Variants in RGS6 observed in about 807,000 individuals in gnomAD.
RGS6 encodes the protein regulator of G protein signaling 6.
Under a neutral mutation model 78.5 loss-of-function variants are expected in RGS6, and 30 were observed. The ratio of observed to expected loss-of-function variants is 0.38; its 90% CI spans 0.29 to 0.52. RGS6 has a LOEUF of 0.52. Ranked by LOEUF, RGS6 falls within the 20% of genes least tolerant of loss-of-function variation. RGS6 has a pLI of 0.85. For missense variants in RGS6, 495 were observed against 609.7 expected (o/e 0.81, Z 1.98); for synonymous variants, 206 against 206.0 (o/e 1.00, Z 0.00).
At chr14:72,116,082 G>A (rs1317478474) in intron 2 of RGS6, among the ~76,000 whole-genome samples, 2 of 152,146 alleles carry the variant, frequency 1.3e-5, no homozygotes, top group Non-Finnish European at 2.9e-5. Context: ...ATAGTGTATG[G>A]CAAGCTGGAC....
At chr14:72,355,400 G>A (rs575240226) in intron 3 of RGS6, among the ~76,000 whole-genome samples, 120 of 152,118 alleles carry the variant, frequency 7.9e-4, no homozygotes, top group African/African-American at 2.8e-3. Context: ...TCACCATGTT[G>A]CCCAGGCTGG....
downstream of RGS6, among the ~76,000 whole-genome samples, chr14:72,571,186 C>T (rs928968388): frequency 1.1e-4 from 16 of 152,156 alleles, no homozygotes; most frequent in Admixed American, 2.0e-4. Flanking sequence ...TTCTACAGAA[C>T]GGGAAACAGA....
In RGS6 at chr14:72,417,829, C is replaced by A. The variant is rs568154024; in HGVS notation, c.185-36699C>A. Among the ~76,000 whole-genome samples, 50 of 152,348 alleles carry A rather than the reference C, an allele frequency of 3.3e-4. No homozygotes were observed. The East Asian group carries it at 8.1e-3, about 25-fold the overall frequency. On this transcript the variant is annotated intron_variant, in intron 3 of 17. Transcript: ENST00000553525. ...GTGCTGTTAATTCTTCTTTGCCCCA[C>A]TGGTCCCCAGGTTCCATATCTGTAA...
At chr14:72,107,973 G>A (rs2095669114) in intron 2 of RGS6, among the ~76,000 whole-genome samples, 1 of 152,076 alleles carries the variant, frequency 6.6e-6, no homozygotes, top group African/African-American at 2.4e-5. Context: ...GTTTTTATCA[G>A]GTAATAGTTA....
At chr14:72,550,452 C>A in intron 17 of RGS6, 2 of 1,535,402 alleles carry the variant, frequency 1.3e-6, no homozygotes, top group Non-Finnish European at 1.7e-6. Context: ...CCGTGCCTAA[C>A]AGGAAAAGAC....
At chr14:72,021,489 A>G (rs568894101) in intron 2 of RGS6, among the ~76,000 whole-genome samples, 101 of 99,972 alleles carry the variant, frequency 1.0e-3, no homozygotes, top group Middle Eastern at 8.8e-3. Flanking sequence ...TTTTTTTGAG[A>G]TGGCGTTTCG....
At chr14:72,485,581 G>T (rs1314414122) in intron 12 of RGS6, among the ~76,000 whole-genome samples, 2 of 152,136 alleles carry the variant, frequency 1.3e-5, no homozygotes, top group African/African-American at 2.4e-5. Context: ...TTCTACAAAG[G>T]GCTGCCTTGA....
chr14:72,161,668 G>A (rs931506867), intron 2 of RGS6, among the ~76,000 whole-genome samples: 6 of 152,206 alleles, frequency 3.9e-5, no homozygotes, highest in Non-Finnish European at 7.3e-5. Context: ...AGTTTCTAAC[G>A]TAATTCTGGG....
At chr14:72,443,483 G>T (rs1464788859) in intron 3 of RGS6, among the ~76,000 whole-genome samples, 1 of 152,256 alleles carries the variant, frequency 6.6e-6, no homozygotes, top group African/African-American at 2.4e-5. Context: ...TGCTAACCCT[G>T]TGGTTAGGCT....
the RGS6 span, among the ~76,000 whole-genome samples, chr14:72,572,032 TAACC>T: frequency 9.7e-4 from 148 of 152,206 alleles, 1 homozygote; most frequent in Non-Finnish European, 1.3e-4. Flanking sequence ...GCTACACAAA[TAACC>T]AACAAGCACA....
At chr14:72,364,482 A>G (rs1455791246) in intron 3 of RGS6, among the ~76,000 whole-genome samples, 5 of 152,214 alleles carry the variant, frequency 3.3e-5, no homozygotes, top group Non-Finnish European at 7.3e-5. Flanking sequence ...CTTTCTAGCC[A>G]TTTGAGAAAT....
chr14:71,993,672 T>A (rs1481401552), intron 2 of RGS6, among the ~76,000 whole-genome samples: 1 of 152,182 alleles, frequency 6.6e-6, no homozygotes, highest in East Asian at 1.9e-4. Flanking sequence ...AGGTTTATTA[T>A]AGCCTTTAGG....
intron 15 of RGS6, among the ~76,000 whole-genome samples, chr14:72,534,358 A>G (rs1412167202): frequency 6.6e-6 from 1 of 152,238 alleles, no homozygotes; most frequent in Non-Finnish European, 1.5e-5. Flanking sequence ...GGGAAACGAA[A>G]TATTTCTTAT....
At position 72,160,878 on chromosome 14, in the gene RGS6, CA is replaced by C. The variant is rs199537800; in HGVS notation, c.85-191214del. Among the ~76,000 whole-genome samples, 655 of 152,282 alleles carry C rather than the reference CA, an allele frequency of 4.3e-3. 3 individuals are homozygous for C. The highest frequency in any genetic ancestry group is 7.0e-3 in the Non-Finnish European group (473 of 68,024). ...TGGTATTTTATTATGATAGCCCTAC[CA>C]AACTAATACAACCACCTACTTTTTA... On this transcript the variant is annotated intron_variant, in intron 2 of 17. Transcript: ENST00000553525.
intron 14 of RGS6, among the ~76,000 whole-genome samples, chr14:72,515,160 A>G (rs1303506598): frequency 6.6e-6 from 1 of 152,114 alleles, no homozygotes; most frequent in Admixed American, 6.5e-5. Context: ...GAGAGTCCCC[A>G]GTGTGTGCAG....
At chr14:72,460,999 G>T (rs1293693336) in intron 6 of RGS6, among the ~76,000 whole-genome samples, 1 of 152,026 alleles carries the variant, frequency 6.6e-6, no homozygotes, top group African/African-American at 2.4e-5. Flanking sequence ...GCAGGCTCTG[G>T]GGCTGTCTGC....
At chr14:72,508,634 CATA>C (rs1430097050) in intron 13 of RGS6, among the ~76,000 whole-genome samples, 11 of 129,584 alleles carry the variant, frequency 8.5e-5, no homozygotes, top group Non-Finnish European at 1.7e-4. Flanking sequence ...ATGTCAGCTC[CATA>C]ATAAGAGGAA....
chr14:71,888,431 A>AAAG, the RGS6 span, among the ~76,000 whole-genome samples: 11 of 143,600 alleles, frequency 7.7e-5, no homozygotes, highest in Non-Finnish European at 1.1e-4. Flanking sequence ...AAAAAAAAAA[A>AAAG]AAGAAGAAGA....
intron 6 of RGS6, among the ~76,000 whole-genome samples, chr14:72,465,028 T>G (rs745417153): frequency 4.6e-5 from 7 of 152,176 alleles, no homozygotes; most frequent in African/African-American, 7.2e-5. Context: ...CCAACTTGGG[T>G]CTTCAAAGAT....
Sources: allele counts gnomAD v4.1 joint callset (sites outside exome capture counted in the v4.1 genomes callset), GRCh38; gene constraint gnomAD v4.1.1; transcripts MANE v1.5; gene names NCBI Gene and HGNC (gene_info 2026-07-23, HGNC 2026-07-21).